Variants in TMEM178B observed in about 807,000 individuals in gnomAD.
TMEM178B encodes transmembrane protein 178B.
TMEM178B carries 5 observed loss-of-function variants against 31.0 expected under a neutral mutation model. The ratio of observed to expected loss-of-function variants is 0.16; its 90% CI spans 0.08 to 0.34. The LOEUF (loss-of-function observed/expected upper bound fraction) is 0.34. Ranked by LOEUF, TMEM178B falls within the 10% of genes least tolerant of loss-of-function variation. The pLI is 1.00. For missense variants in TMEM178B, 275 were observed against 400.3 expected (o/e 0.69, Z 2.67); for synonymous variants, 164 against 164.0 (o/e 1.00, Z 0.00).
At chr7:141,128,195 G>A (rs921333301) in intron 1 of TMEM178B, among the ~76,000 whole-genome samples, 4 of 152,090 alleles carry the variant, frequency 2.6e-5, no homozygotes, top group Non-Finnish European at 5.9e-5. Flanking sequence ...AGGCAAACTG[G>A]GACAACTGGT....
intron 1 of TMEM178B, among the ~76,000 whole-genome samples, chr7:141,196,833 G>C (rs1457332209): frequency 2.0e-5 from 3 of 152,214 alleles, no homozygotes; most frequent in Non-Finnish European, 4.4e-5. Context: ...TCAGGGCACA[G>C]TAGGCTCAGT....
chr7:141,173,878 A>G (rs1301139543), intron 1 of TMEM178B, among the ~76,000 whole-genome samples: 4 of 152,104 alleles, frequency 2.6e-5, no homozygotes, highest in Non-Finnish European at 4.4e-5. Context: ...TTTTGTGCCA[A>G]CTCAAGCAAG....
At chr7:141,134,317 G>T (rs1481662109) in intron 1 of TMEM178B, among the ~76,000 whole-genome samples, 1 of 152,014 alleles carries the variant, frequency 6.6e-6, no homozygotes, top group Non-Finnish European at 1.5e-5. Context: ...AAAAAGAAAA[G>T]CCATCAGCTA....
chr7:141,243,286 T>C (rs1797657621), intron 2 of TMEM178B, among the ~76,000 whole-genome samples: 1 of 152,030 alleles, frequency 6.6e-6, no homozygotes, highest in Non-Finnish European at 1.5e-5. Context: ...CACTTGTGGA[T>C]TTTTGTTCTT....
intron 2 of TMEM178B, among the ~76,000 whole-genome samples, chr7:141,416,601 C>T (rs924854523): frequency 2.6e-5 from 4 of 152,302 alleles, no homozygotes; most frequent in Admixed American, 2.0e-4. Flanking sequence ...TCAAACACAC[C>T]GTTTCCTTTG....
intron 2 of TMEM178B, among the ~76,000 whole-genome samples, chr7:141,280,698 G>A (rs1446096543): frequency 2.6e-5 from 4 of 152,166 alleles, no homozygotes; most frequent in African/African-American, 7.2e-5. Flanking sequence ...TCTTTAGCAT[G>A]GAGTTGCTTT....
At chr7:141,089,641 A>C (rs1266312440) in intron 1 of TMEM178B, among the ~76,000 whole-genome samples, 2 of 152,268 alleles carry the variant, frequency 1.3e-5, no homozygotes, top group African/African-American at 4.8e-5. Flanking sequence ...CTGGATTAAG[A>C]AAATGTGGCA....
At chr7:141,175,776 T>C (rs913495409) in intron 1 of TMEM178B, among the ~76,000 whole-genome samples, 1 of 152,198 alleles carries the variant, frequency 6.6e-6, no homozygotes, top group African/African-American at 2.4e-5. Flanking sequence ...TATTGGTGTA[T>C]AGGAATGCTT....
intron 2 of TMEM178B, among the ~76,000 whole-genome samples, chr7:141,419,878 G>A (rs1037634124): frequency 1.3e-5 from 2 of 152,134 alleles, no homozygotes; most frequent in African/African-American, 4.8e-5. Context: ...AAGTCAGCAT[G>A]TTATAATAAT....
intron 2 of TMEM178B, among the ~76,000 whole-genome samples, chr7:141,263,149 A>T (rs1798041036): frequency 6.6e-6 from 1 of 152,218 alleles, no homozygotes; most frequent in Admixed American, 6.5e-5. Context: ...GGAGGGGCCC[A>T]GCAAGTGGAG....
chr7:141,280,139 C>G (rs1798332020), intron 2 of TMEM178B, among the ~76,000 whole-genome samples: 2 of 152,134 alleles, frequency 1.3e-5, no homozygotes, highest in African/African-American at 2.4e-5. Flanking sequence ...TGGGAAAGTT[C>G]CCTGTCTGGA....
chr7:141,285,546 G>A (rs567136390), intron 2 of TMEM178B, among the ~76,000 whole-genome samples: 25 of 152,136 alleles, frequency 1.6e-4, no homozygotes, highest in Admixed American at 5.9e-4. Flanking sequence ...GAAAATTTAT[G>A]TAGAAATTGG....
At chr7:141,394,965 A>G (rs1002500214) in intron 2 of TMEM178B, among the ~76,000 whole-genome samples, 7 of 152,070 alleles carry the variant, frequency 4.6e-5, no homozygotes, top group Non-Finnish European at 7.4e-5. Context: ...ACCACCTATG[A>G]TCCCTTTGAC....
chr7:141,327,967 C>T (rs1206827953), intron 2 of TMEM178B, among the ~76,000 whole-genome samples: 3 of 152,264 alleles, frequency 2.0e-5, no homozygotes, highest in East Asian at 3.9e-4. Context: ...CTCATGCATT[C>T]CAGGCACAGA....
rs1320969002 is a variant in TMEM178B at position 141,212,863 on chromosome 7, G to A, written c.496+159G>A. On this transcript the variant is annotated intron_variant, in intron 2 of 3. Transcript: ENST00000565468. ...ATATCTTTGGGTTAGAATTGCCTCA[G>A]TTGGTTTTGATTGCATTATAAATTT... 1.4e-5 allele frequency: 8 copies of A among 574,626 alleles called. No homozygotes were observed. The East Asian group carries it at 2.0e-4, about 14-fold the overall frequency. 35.6% of individuals were successfully genotyped at this position (574,626 alleles called of 1,614,324 possible).
At chr7:141,089,212 C>G (rs1360565749) in intron 1 of TMEM178B, among the ~76,000 whole-genome samples, 1 of 152,134 alleles carries the variant, frequency 6.6e-6, no homozygotes, top group Non-Finnish European at 1.5e-5. Flanking sequence ...GAAAGCACTT[C>G]GACCTGGTAT....
chr7:141,433,401 T>A (rs1485079031), intron 2 of TMEM178B, among the ~76,000 whole-genome samples: 1 of 152,198 alleles, frequency 6.6e-6, no homozygotes, highest in Admixed American at 6.5e-5. Flanking sequence ...GACTTTAGAT[T>A]TGACTCTTTA....
intron 3 of TMEM178B, among the ~76,000 whole-genome samples, chr7:141,444,121 C>T (rs1801710452): frequency 6.6e-6 from 1 of 152,102 alleles, no homozygotes; most frequent in Admixed American, 6.6e-5. Flanking sequence ...AGCTCTGTTT[C>T]CTTTTATTAG....
At chr7:141,218,192 T>A (rs1797192992) in intron 2 of TMEM178B, among the ~76,000 whole-genome samples, 1 of 151,838 alleles carries the variant, frequency 6.6e-6, no homozygotes, top group Admixed American at 6.6e-5. Context: ...TCTACAGCAT[T>A]GGGGGTCCTC....
Sources: gnomAD v4.1 joint callset for allele counts (sites outside exome capture counted in the v4.1 genomes callset) on GRCh38, gnomAD v4.1.1 for gene constraint, MANE v1.5 for transcripts, NCBI Gene and HGNC (gene_info 2026-07-23, HGNC 2026-07-21) for gene names.